The following DYM variants were observed in gnomAD, a reference collection of about 807,000 sequenced individuals.
DYM encodes the protein dymeclin.
DYM carries 78 observed loss-of-function variants against 93.1 expected under a neutral mutation model. That is an observed-to-expected ratio of 0.84 (90% CI 0.70 to 1.01). The LOEUF (loss-of-function observed/expected upper bound fraction) is 1.01, where lower values mean the gene tolerates loss of function less well. Among genes scored for constraint, DYM ranks in the 50% least tolerant of loss-of-function variants. The pLI is 0.00. For synonymous variants in DYM, 321 were observed against 319.7 expected (o/e 1.00, Z -0.04); for missense variants, 789 against 845.0 (o/e 0.93, Z 0.82).
At chr18:49,102,155 G>A (rs1472661844) in intron 16 of DYM, among the ~76,000 whole-genome samples, 57 of 152,278 alleles carry the variant, frequency 3.7e-4, no homozygotes, top group Non-Finnish European at 2.9e-5. Context: ...TTGTAAATGA[G>A]GGTACTGATA....
intron 17 of DYM, among the ~76,000 whole-genome samples, chr18:49,058,693 A>C (rs987813547): frequency 6.6e-6 from 1 of 152,200 alleles, no homozygotes; most frequent in African/African-American, 2.4e-5. Flanking sequence ...TTTGTTATAC[A>C]CTGTAAGCAT....
chr18:49,327,363 TTTTG>T (rs2062973243), intron 8 of DYM, among the ~76,000 whole-genome samples: 1 of 151,922 alleles, frequency 6.6e-6, no homozygotes, highest in African/African-American at 2.4e-5. Flanking sequence ...TTTGTTTTGT[TTTTG>T]TTTTTTTGTT....
chr18:49,275,481 C>G (rs1201028497), intron 10 of DYM, among the ~76,000 whole-genome samples: 1 of 152,074 alleles, frequency 6.6e-6, no homozygotes, highest in African/African-American at 2.4e-5. Context: ...ATTTTTTAAT[C>G]ATCTTGTCAA....
intron 16 of DYM, among the ~76,000 whole-genome samples, chr18:49,110,238 A>G (rs2081268661): frequency 6.6e-6 from 1 of 152,246 alleles, no homozygotes; most frequent in Non-Finnish European, 1.5e-5. Context: ...CTCTTCTTCC[A>G]ACAGTCAATT....
intron 10 of DYM, 41 bp from the exon 11 acceptor site, chr18:49,272,344 T>C: frequency 8.0e-7 from 1 of 1,249,956 alleles, no homozygotes; most frequent in Middle Eastern, 2.2e-4. Flanking sequence ...CAATACTTCA[T>C]TATAAATCCA....
chr18:49,333,693 T>C, intron 7 of DYM, 35 bp downstream of exon 7: 1 of 1,606,410 alleles, frequency 6.2e-7, no homozygotes, highest in Admixed American at 1.7e-5. Context: ...ATTTATACAA[T>C]GAAAAAACTA....
In DYM at chr18:49,385,857, G is replaced by C. The variant is rs1032517424; in HGVS notation, c.193+5736C>G. Among the ~76,000 whole-genome samples, 9 of 152,018 alleles carry C rather than the reference G, an allele frequency of 5.9e-5. No individual in the cohort carries two copies. In the East Asian group the frequency reaches 9.6e-4, roughly 16 times the overall value. The stretch of plus-strand genomic sequence containing the variant: ...AGGAGTTCAAGACAAGACTGGATAA[G>C]AGTGTGAGACCCTATTCCTTAAAAA... On this transcript the variant is annotated intron_variant, in intron 3 of 17. Transcript: ENST00000675505.
intron 17 of DYM, among the ~76,000 whole-genome samples, chr18:49,055,372 G>A (rs1314273228): frequency 6.6e-6 from 1 of 152,168 alleles, no homozygotes; most frequent in African/African-American, 2.4e-5. Context: ...CATCAGCTGC[G>A]GGGCACCAGG....
intron 11 of DYM, among the ~76,000 whole-genome samples, chr18:49,264,912 G>T (rs1247354350): frequency 6.6e-6 from 1 of 152,146 alleles, no homozygotes; most frequent in Non-Finnish European, 1.5e-5. Context: ...AAAAGCACAT[G>T]ACTTACCTGG....
At chr18:49,400,027 G>A (rs955444871) in intron 2 of DYM, among the ~76,000 whole-genome samples, 2 of 123,248 alleles carry the variant, frequency 1.6e-5, no homozygotes, top group Admixed American at 1.2e-4. Flanking sequence ...TGCAACCTCT[G>A]CCTCCCAGGC....
rs2087104013 is a variant in DYM at position 49,161,362 on chromosome 18, C to T, written c.1728+2323G>A. Among the ~76,000 whole-genome samples the T allele has an allele frequency of 2.0e-5, 3 of 152,246 alleles. No homozygotes were observed. In the East Asian group the frequency reaches 5.8e-4, roughly 29 times the overall value. On this transcript the variant is annotated intron_variant, in intron 15 of 17. Transcript: ENST00000675505. ...CCTCAAATATTAATTTTATAGATCT[C>T]TGATTAAAGAAGAATGCTACTAAGG...
At chr18:49,189,328 TG>T (rs1259116027) in intron 14 of DYM, among the ~76,000 whole-genome samples, 1 of 152,142 alleles carries the variant, frequency 6.6e-6, no homozygotes, top group African/African-American at 2.4e-5. Flanking sequence ...GGGGTTGAGG[TG>T]GGGAAAAGAA....
chr18:49,330,748 C>A (rs2146801891), intron 8 of DYM, among the ~76,000 whole-genome samples: 1 of 152,228 alleles, frequency 6.6e-6, no homozygotes, highest in Non-Finnish European at 1.5e-5. Context: ...ATTAAGCCTT[C>A]CAATGGGACA....
At position 49,143,632 on chromosome 18, in the gene DYM, T is replaced by C. The variant is rs1240285214; in HGVS notation, c.1728+20053A>G. 3.3e-5 allele frequency among the ~76,000 whole-genome samples: 5 copies of C among 152,280 alleles called. No homozygotes were observed. In the South Asian group the frequency reaches 1.0e-3, roughly 32 times the overall value. Reference sequence around the variant, plus strand: ...TAGTTCTTTCTGATTCCAATACTCATATTATTTAACTTAAAAAAATTGTGG... The same window carrying C: ...TAGTTCTTTCTGATTCCAATACTCACATTATTTAACTTAAAAAAATTGTGG... On this transcript the variant is annotated intron_variant, in intron 15 of 17. Coordinates refer to ENST00000675505, the MANE Select transcript of DYM (RefSeq NM_001353214.3).
At chr18:49,080,286 G>A (rs2077767940) in intron 17 of DYM, among the ~76,000 whole-genome samples, 3 of 137,882 alleles carry the variant, frequency 2.2e-5, no homozygotes, top group African/African-American at 8.2e-5. Flanking sequence ...GGGGCGGCGG[G>A]GCAGAGGCGC....
chr18:49,334,139 T>C (rs956311795), intron 6 of DYM, among the ~76,000 whole-genome samples: 6 of 152,220 alleles, frequency 3.9e-5, no homozygotes, highest in African/African-American at 1.2e-4. Flanking sequence ...AAATAGTTAC[T>C]AGCAGTGTTC....
At chr18:49,351,304 G>A (rs1351208474) in intron 6 of DYM, among the ~76,000 whole-genome samples, 1 of 151,998 alleles carries the variant, frequency 6.6e-6, no homozygotes, top group Non-Finnish European at 1.5e-5. Flanking sequence ...CCGGGAGGTG[G>A]AGGTTGCAAT....
chr18:49,142,310 A>G (rs894398468), intron 15 of DYM, among the ~76,000 whole-genome samples: 1 of 152,194 alleles, frequency 6.6e-6, no homozygotes, highest in Admixed American at 6.5e-5. Flanking sequence ...GTAGAATTGA[A>G]ACTCAAAAGG....
rs750583247 is a variant in DYM at position 49,257,055 on chromosome 18, G to A, written c.1415C>T (p.Ala472Val). 1.5e-5 allele frequency: 24 copies of A among 1,613,884 alleles called. No individual in the cohort carries two copies. The East Asian group carries it at 4.0e-4, about 27-fold the overall frequency. Residue 472 changes from alanine (A) to valine (V), a missense_variant, in exon 13 of 18, where the codon GCA (alanine) becomes GTA (valine). Coordinates refer to ENST00000675505, the MANE Select transcript of DYM (RefSeq NM_001353214.3). The part of the protein sequence containing the change: ...NCLAALANMS[A>V]QFRSLHQYAA... Reference sequence around the variant, plus strand: ...ATACTGATGGAGAGAACGAAACTGTGCCGACATATTTGCTAAAGCTGCCAA... The same window carrying A: ...ATACTGATGGAGAGAACGAAACTGTACCGACATATTTGCTAAAGCTGCCAA...
Sources: gnomAD v4.1 joint callset for allele counts (sites outside exome capture counted in the v4.1 genomes callset) on GRCh38, gnomAD v4.1.1 for gene constraint, MANE v1.5 for transcripts, NCBI Gene and HGNC (gene_info 2026-07-23, HGNC 2026-07-21) for gene names.